SLC2A9: variants seen among roughly 807,000 people sequenced by gnomAD.
SLC2A9 encodes solute carrier family 2, facilitated glucose transporter member 9.
A neutral mutation model predicts 50.6 loss-of-function variants in SLC2A9; 39 were observed. The observed-to-expected ratio is 0.77, with a 90% CI of 0.60 to 1.01. The LOEUF is 1.01. SLC2A9 is among the 50% of genes least tolerant of loss of function. The pLI, the probability that SLC2A9 is intolerant of heterozygous loss-of-function variation, is 0.00. For synonymous variants in SLC2A9, 324 were observed against 276.9 expected (o/e 1.17, Z -1.69); for missense variants, 686 against 677.6 (o/e 1.01, Z -0.14).
chr4:9,955,172 C>T (rs1199013565), intron 5 of SLC2A9, among the ~76,000 whole-genome samples: 2 of 152,222 alleles, frequency 1.3e-5, no homozygotes, highest in South Asian at 2.1e-4. Context: ...GGAGAGGAGA[C>T]GCAACCCCCT....
intron 6 of SLC2A9, among the ~76,000 whole-genome samples, chr4:9,923,122 C>G (rs1454624173): frequency 6.6e-6 from 1 of 152,056 alleles, no homozygotes; most frequent in Non-Finnish European, 1.5e-5. Flanking sequence ...GAGCTGGAGT[C>G]CTGAGGGGGC....
intron 3 of SLC2A9, among the ~76,000 whole-genome samples, chr4:9,987,387 T>TGGGATTACA (rs1409367392): frequency 6.6e-6 from 1 of 152,230 alleles, no homozygotes; most frequent in African/African-American, 2.4e-5. Flanking sequence ...CCCAAAGTGC[T>TGGGATTACA]GGGATTACAG....
At chr4:10,039,117 A>G (rs537597591) in intron 1 of SLC2A9, among the ~76,000 whole-genome samples, 2 of 152,344 alleles carry the variant, frequency 1.3e-5, no homozygotes, top group East Asian at 3.9e-4. Context: ...TAGAGTGTTC[A>G]TGTGAGCTCA....
chr4:9,969,525 A>G (rs976887406), intron 5 of SLC2A9, among the ~76,000 whole-genome samples: 1 of 152,240 alleles, frequency 6.6e-6, no homozygotes, highest in African/African-American at 2.4e-5. Context: ...TTTTTCCCCC[A>G]AGATGGCAGA....
intron 6 of SLC2A9, among the ~76,000 whole-genome samples, chr4:9,927,114 C>A (rs371651223): frequency 1.2e-4 from 18 of 151,552 alleles, no homozygotes; most frequent in African/African-American, 4.4e-4. Flanking sequence ...ACTGCAACCT[C>A]CGCCTCCCAG....
intron 8 of SLC2A9, among the ~76,000 whole-genome samples, chr4:9,906,696 A>G (rs567851800): frequency 5.3e-5 from 8 of 152,344 alleles, no homozygotes; most frequent in African/African-American, 1.9e-4. Context: ...TGATTTCTTC[A>G]CAACACCAAT....
chr4:9,864,648 G>A (rs182061704), intron 10 of SLC2A9, among the ~76,000 whole-genome samples: 110 of 152,278 alleles, frequency 7.2e-4, no homozygotes, highest in African/African-American at 2.6e-3. Flanking sequence ...CCAAACCCAA[G>A]CCTGGAAGAG....
chr4:9,962,809 C>G (rs1360154347), intron 5 of SLC2A9, among the ~76,000 whole-genome samples: 2 of 152,216 alleles, frequency 1.3e-5, no homozygotes, highest in African/African-American at 4.8e-5. Context: ...GTGGCCCCAG[C>G]TGACCATCCA....
At chr4:9,844,897 T>C (rs1244710879) in intron 10 of SLC2A9, among the ~76,000 whole-genome samples, 1 of 152,288 alleles carries the variant, frequency 6.6e-6, no homozygotes, top group African/African-American at 2.4e-5. Flanking sequence ...ACACCTGTGG[T>C]ATTTCTGTAA....
intron 10 of SLC2A9, among the ~76,000 whole-genome samples, chr4:9,839,206 A>G (rs1727599099): frequency 6.6e-6 from 1 of 152,202 alleles, no homozygotes; most frequent in African/African-American, 2.4e-5. Context: ...AAGAAGACAT[A>G]CATGTGGTTA....
intron 10 of SLC2A9, among the ~76,000 whole-genome samples, chr4:9,863,856 A>G (rs1421823313): frequency 6.6e-6 from 1 of 152,142 alleles, no homozygotes; most frequent in Non-Finnish European, 1.5e-5. Flanking sequence ...GCCTCCAAGA[A>G]GTCGAGTTGA....
Position 9,933,441 on chromosome 4 carries a change from T to C in SLC2A9, c.814+8472A>G, listed in dbSNP as rs548856201. ...ACTCCTTTTGCTCTCCCAGCCCTACTGGCACCTCTGTAACCATTTCCTGGC... is the reference window on the plus strand; with the variant it reads ...ACTCCTTTTGCTCTCCCAGCCCTACCGGCACCTCTGTAACCATTTCCTGGC... On this transcript the variant is annotated intron_variant, in intron 6 of 11. Coordinates refer to ENST00000264784, the MANE Select transcript of SLC2A9 (RefSeq NM_020041.3). Among the ~76,000 whole-genome samples, 362 of 152,294 alleles carry C rather than the reference T, an allele frequency of 2.4e-3. 4 individuals carry two copies. The highest frequency in any genetic ancestry group is 8.2e-3 in the African/African-American group (341 of 41,570).
chr4:9,802,982 G>A (rs1188191648), intron 3 of SLC2A9, among the ~76,000 whole-genome samples: 3 of 152,236 alleles, frequency 2.0e-5, no homozygotes, highest in Admixed American at 1.3e-4. Flanking sequence ...ATGCTGGACT[G>A]CAGGAATTCA....
chr4:9,789,859 T>G (rs1477767699), intron 3 of SLC2A9, among the ~76,000 whole-genome samples: 1 of 152,226 alleles, frequency 6.6e-6, no homozygotes, highest in Non-Finnish European at 1.5e-5. Context: ...TCTGATTCTC[T>G]TCTAAGACCA....
intron 2 of SLC2A9, 121 bp from the exon 3 acceptor site, chr4:9,997,062 T>C: frequency 1.7e-6 from 2 of 1,168,798 alleles, no homozygotes; most frequent in African/African-American, 1.5e-5. Flanking sequence ...TTTGCTAATT[T>C]GTTTGAGCTT....
chr4:9,817,514 G>C (rs1188688424), intron 3 of SLC2A9, among the ~76,000 whole-genome samples: 2 of 152,220 alleles, frequency 1.3e-5, no homozygotes, highest in African/African-American at 2.4e-5. Context: ...TGCAATAATA[G>C]AAGAGGAATG....
At chr4:9,852,249 T>C (rs78728682) in intron 10 of SLC2A9, among the ~76,000 whole-genome samples, 1 of 9,444 alleles carries the variant, frequency 1.1e-4, no homozygotes, top group Non-Finnish European at 6.2e-4. Flanking sequence ...CCAGTATTCT[T>C]TTTTTTTTTT....
At chr4:9,947,406 G>C (rs560240582) in intron 5 of SLC2A9, among the ~76,000 whole-genome samples, 2 of 152,296 alleles carry the variant, frequency 1.3e-5, no homozygotes, top group South Asian at 4.1e-4. Flanking sequence ...TCAGCTCCCT[G>C]ATAAGGGGGT....
downstream of SLC2A9, among the ~76,000 whole-genome samples, chr4:9,775,918 G>A (rs912579812): frequency 3.3e-5 from 5 of 152,152 alleles, no homozygotes; most frequent in Non-Finnish European, 5.9e-5. Context: ...TAGAACACAC[G>A]TGGCTTCCAA....
Sources: gnomAD v4.1 joint callset for allele counts (sites outside exome capture counted in the v4.1 genomes callset) on GRCh38, gnomAD v4.1.1 for gene constraint, MANE v1.5 for transcripts, NCBI Gene and HGNC (gene_info 2026-07-23, HGNC 2026-07-21) for gene names.